CYP3A43: variants seen among roughly 807,000 people sequenced by gnomAD.
The protein encoded by CYP3A43 is cytochrome P450 family 3 subfamily A member 43.
In CYP3A43, 45 loss-of-function variants were observed where a neutral mutation model predicts 58.0. The observed-to-expected ratio is 0.78, with a 90% CI of 0.61 to 0.99. CYP3A43 has a LOEUF of 0.99. CYP3A43 is among the 50% of genes least tolerant of loss of function. The pLI is 0.00. For missense variants in CYP3A43, 593 were observed against 591.9 expected (o/e 1.00, Z -0.02); for synonymous variants, 191 against 201.4 (o/e 0.95, Z 0.44).
chr7:99,859,478 A>G (rs993279768), intron 9 of CYP3A43, among the ~76,000 whole-genome samples: 1 of 152,238 alleles, frequency 6.6e-6, no homozygotes, highest in Non-Finnish European at 1.5e-5. Flanking sequence ...GTTTACTTAT[A>G]GATAAAGAAC....
chr7:99,848,698 C>T lies in CYP3A43; in HGVS notation c.521+444C>T, dbSNP rs546600997. Among the ~76,000 whole-genome samples the T allele has an allele frequency of 7.2e-5, 11 of 152,110 alleles. No homozygotes were observed. In the South Asian group the frequency reaches 1.7e-3, roughly 23 times the overall value. ...CTTCATTATTTTGCTGAGGATACCA[C>T]CAAAATATGAAATATTAAACCTTCC... On this transcript the variant is annotated intron_variant, in intron 6 of 12. Coordinates refer to ENST00000354829, the MANE Select transcript of CYP3A43 (RefSeq NM_057095.3).
At chr7:99,837,783 G>A (rs1050961161) in intron 2 of CYP3A43, among the ~76,000 whole-genome samples, 10 of 152,134 alleles carry the variant, frequency 6.6e-5, no homozygotes, top group African/African-American at 2.2e-4. Flanking sequence ...GAGCCTTGTG[G>A]CTACCCTGGT....
intron 1 of CYP3A43, among the ~76,000 whole-genome samples, chr7:99,829,228 G>A (rs1367005845): frequency 3.3e-5 from 5 of 152,172 alleles, no homozygotes; most frequent in African/African-American, 4.8e-5. Context: ...CAAGACAGGG[G>A]AATTGTAATA....
chr7:99,856,699 T>C (rs1184615457), intron 8 of CYP3A43, 134 bp from the exon 9 acceptor site: 12 of 828,808 alleles, frequency 1.4e-5, no homozygotes, highest in Non-Finnish European at 2.4e-5. Flanking sequence ...CATTGGTGAC[T>C]CAGGCAACAC....
intron 11 of CYP3A43, among the ~76,000 whole-genome samples, chr7:99,862,704 T>G (rs564218679): frequency 6.6e-6 from 1 of 152,318 alleles, no homozygotes; most frequent in African/African-American, 2.4e-5. Flanking sequence ...AGGCCTGGGA[T>G]CTAGACTTTT....
At chr7:99,855,506 G>A (rs935238818) in intron 7 of CYP3A43, 85 bp from the exon 8 acceptor site, 86 of 1,472,782 alleles carry the variant, frequency 5.8e-5, no homozygotes, top group Non-Finnish European at 7.3e-5. Context: ...AAGTCTATAG[G>A]TAGAGAAAAT....
chr7:99,828,255 T>C (rs1816704746), intron 1 of CYP3A43, 69 bp downstream of exon 1: 1 of 1,274,172 alleles, frequency 7.8e-7, no homozygotes, highest in Admixed American at 2.2e-5. Flanking sequence ...CCCATCTTTT[T>C]CTTATTTGTT....
At chr7:99,846,170 T>C (rs1226477664) in intron 4 of CYP3A43, among the ~76,000 whole-genome samples, 3 of 152,196 alleles carry the variant, frequency 2.0e-5, no homozygotes, top group Non-Finnish European at 2.9e-5. Context: ...AACCTATAAG[T>C]TGGTTTAGGG....
chr7:99,861,917 C>A, intron 11 of CYP3A43, 78 bp downstream of exon 11: 3 of 1,262,140 alleles, frequency 2.4e-6, no homozygotes, highest in Non-Finnish European at 3.3e-6. Context: ...ATGCACATGG[C>A]AATCATTTGA....
chr7:99,848,057 G>A, intron 5 of CYP3A43, 109 bp from the exon 6 acceptor site: 3 of 1,071,618 alleles, frequency 2.8e-6, no homozygotes, highest in South Asian at 1.4e-5. Context: ...TGTCCTAGAG[G>A]ACATGGTGAG....
At chr7:99,843,239 G>A (rs1023428031) in intron 3 of CYP3A43, among the ~76,000 whole-genome samples, 4 of 151,764 alleles carry the variant, frequency 2.6e-5, no homozygotes, top group African/African-American at 9.7e-5. Context: ...TCTCTCTCCT[G>A]CTTGCTCTTT....
chr7:99,854,651 A>T (rs1817903086), intron 7 of CYP3A43, among the ~76,000 whole-genome samples: 1 of 152,004 alleles, frequency 6.6e-6, no homozygotes, highest in Non-Finnish European at 1.5e-5. Flanking sequence ...GTGTTATGGT[A>T]TACATTTAGG....
At chr7:99,858,233 T>C (rs1818071012) in intron 9 of CYP3A43, among the ~76,000 whole-genome samples, 1 of 152,200 alleles carries the variant, frequency 6.6e-6, no homozygotes, top group African/African-American at 2.4e-5. Context: ...GCCAACTGAA[T>C]AAAATAATTG....
At chr7:99,865,646 C>G (rs534198193) in intron 12 of CYP3A43, among the ~76,000 whole-genome samples, 1 of 148,674 alleles carries the variant, frequency 6.7e-6, no homozygotes, top group South Asian at 2.1e-4. Context: ...GGAACAGAAG[C>G]CAGCATGAAC....
At chr7:99,838,873 G>A in intron 2 of CYP3A43, 1 of 547,422 alleles carries the variant, frequency 1.8e-6, no homozygotes, top group Non-Finnish European at 3.1e-6. Flanking sequence ...CCAGCTACTT[G>A]GGAGGCTGAG....
chr7:99,830,475 G>A (rs1458060333), intron 1 of CYP3A43, among the ~76,000 whole-genome samples: 10 of 151,980 alleles, frequency 6.6e-5, no homozygotes, highest in Admixed American at 1.3e-4. Flanking sequence ...CCAAGATTGC[G>A]CCATTGCACT....
In CYP3A43 at chr7:99,855,634, C is replaced by A. The variant is rs775589585; in HGVS notation, c.714C>A (p.Ile238=). 2 of 1,613,264 alleles carry A rather than the reference C, an allele frequency of 1.2e-6. No individual in the cohort carries two copies. The highest frequency in any genetic ancestry group is 2.2e-5 in the South Asian group (2 of 90,852). ...FLTPVFEALN[I]GLFPKDVTHF... ...CCCCAGTTTTTGAAGCCCTAAATAT[C>A]GGTTTGTTTCCAAAAGATGTTACCC... Residue 238 remains isoleucine (I), a synonymous_variant, in exon 8 of 13, where the codon ATC becomes ATA. Coordinates refer to ENST00000354829, the MANE Select transcript of CYP3A43 (RefSeq NM_057095.3).
chr7:99,855,046 C>G (rs1455136889), intron 7 of CYP3A43, among the ~76,000 whole-genome samples: 1 of 145,446 alleles, frequency 6.9e-6, no homozygotes, highest in African/African-American at 2.8e-5. Flanking sequence ...CCATGCCCGG[C>G]TAATTTTTGT....
At chr7:99,863,163 GTCC>G (rs1462871230) in intron 11 of CYP3A43, among the ~76,000 whole-genome samples, 1 of 152,122 alleles carries the variant, frequency 6.6e-6, no homozygotes, top group Non-Finnish European at 1.5e-5. Context: ...CAGCTTCCCT[GTCC>G]ACACACCACC....
Sources: allele counts gnomAD v4.1 joint callset (sites outside exome capture counted in the v4.1 genomes callset), GRCh38; gene constraint gnomAD v4.1.1; transcripts MANE v1.5; gene names NCBI Gene and HGNC (gene_info 2026-07-23, HGNC 2026-07-21).